The following LRRFIP2 variants were observed in gnomAD, a reference collection of about 807,000 sequenced individuals.
The protein encoded by LRRFIP2 is LRR binding FLII interacting protein 2, also known as leucine-rich repeat flightless-interacting protein 2.
Under a neutral mutation model 125.9 loss-of-function variants are expected in LRRFIP2, and 109 were observed. That is an observed-to-expected ratio of 0.87 (90% CI 0.74 to 1.01). The LOEUF (loss-of-function observed/expected upper bound fraction) is 1.01, where lower values mean the gene tolerates loss of function less well. Ranked by LOEUF, LRRFIP2 falls within the 50% of genes least tolerant of loss-of-function variation. The pLI, the probability that LRRFIP2 is intolerant of heterozygous loss-of-function variation, is 0.00. For synonymous variants in LRRFIP2, 291 were observed against 293.1 expected (o/e 0.99, Z 0.07); for missense variants, 850 against 862.3 (o/e 0.99, Z 0.18).
At chr3:37,138,282 G>A (rs2095607648) in intron 2 of LRRFIP2, among the ~76,000 whole-genome samples, 1 of 152,208 alleles carries the variant, frequency 6.6e-6, no homozygotes, top group Non-Finnish European at 1.5e-5. Context: ...TAAACTTGTT[G>A]TGGCTCATGG....
intron 21 of LRRFIP2, among the ~76,000 whole-genome samples, chr3:37,072,017 T>C (rs772675029): frequency 3.3e-5 from 5 of 152,216 alleles, no homozygotes; most frequent in Non-Finnish European, 7.3e-5. Context: ...CCCTAGAAAG[T>C]CTTACATTCC....
At chr3:37,061,828 A>G (rs2088840496) in intron 24 of LRRFIP2, among the ~76,000 whole-genome samples, 1 of 152,140 alleles carries the variant, frequency 6.6e-6, no homozygotes, top group Admixed American at 6.5e-5. Flanking sequence ...GTCATATACC[A>G]GATCTCATCA....
At chr3:37,092,790 AC>A (rs1316435673) in intron 17 of LRRFIP2, among the ~76,000 whole-genome samples, 1 of 149,540 alleles carries the variant, frequency 6.7e-6, no homozygotes, top group African/African-American at 2.5e-5. Context: ...TCCTCCCCTA[AC>A]CCCCCAACCC....
At position 37,055,667 on chromosome 3, in the gene LRRFIP2, A is replaced by G. The variant is rs547884069; in HGVS notation, c.1871-502T>C. Among the ~76,000 whole-genome samples, 17 of 152,320 alleles carry G rather than the reference A, an allele frequency of 1.1e-4. No homozygotes were observed. The East Asian group carries it at 2.7e-3, about 24-fold the overall frequency. ...TATATACTACAAGATGCTCTAGCAT[A>G]TATGTTACTACAGTATCCCTTGCAG... On this transcript the variant is annotated intron_variant, in intron 25 of 27. Transcript: ENST00000336686.
chr3:37,098,089 C>A (rs1007451207), intron 15 of LRRFIP2, among the ~76,000 whole-genome samples: 1 of 137,908 alleles, frequency 7.3e-6, no homozygotes, highest in Non-Finnish European at 1.7e-5. Flanking sequence ...TTATTACCCA[C>A]ACTTATGTTT....
In LRRFIP2 at chr3:37,121,626, A is replaced by T; in HGVS notation, c.285+9T>A. 1 of 1,614,210 alleles carries T rather than the reference A, an allele frequency of 6.2e-7. No individual in the cohort carries two copies. Among genetic ancestry groups the T allele is most frequent in the African/African-American group, 1.3e-5 (1 of 75,070 alleles). On this transcript the variant is annotated intron_variant, in intron 5 of 27. Transcript: ENST00000336686. ...AGTATTAGAGGCAAGTGTATAGGTT[A>T]TTACAAACCAGATAAGGACGATGGT... is the stretch of plus-strand genomic sequence containing the variant.
rs147978076 is a variant in LRRFIP2 at position 37,094,939 on chromosome 3, T to C, written c.919-31A>G. On this transcript the variant is annotated intron_variant, in intron 16 of 27. Transcript: ENST00000336686. ...AAGAGAAATATGACCCTTCTAAGTC[T>C]CATTTCTTTAAAAATATGTTTGCTG... is the stretch of plus-strand genomic sequence containing the variant. The C allele has an allele frequency of 7.3e-5, 97 of 1,329,768 alleles. No homozygotes were observed. The African/African-American group carries it at 1.3e-3, about 18-fold the overall frequency. The allele number at this position is 1,329,768 out of a possible 1,614,324, so 82.4% of individuals were successfully genotyped here. A position where few individuals can be genotyped will look rare whatever the true frequency, so the allele number is the denominator to read the frequency against.
At chr3:37,107,601 G>A (rs1055817101) in intron 13 of LRRFIP2, among the ~76,000 whole-genome samples, 1 of 152,052 alleles carries the variant, frequency 6.6e-6, no homozygotes, top group African/African-American at 2.4e-5. Flanking sequence ...AGAAAGATTA[G>A]GTAATTATAA....
Position 37,108,095 on chromosome 3 carries a change from C to T in LRRFIP2, c.692G>A (p.Ser231Asn), listed in dbSNP as rs1252365711. Residue 231 changes from serine to asparagine, a missense_variant, in exon 13 of 28, where the codon AGT becomes AAT. Transcript: ENST00000336686. The stretch of plus-strand genomic sequence containing the variant: ...CACCCCTGGACTGCTTCGGGCTGAA[C>T]TTATTCTTGATGAATAATAACTGCA... ...SECSYYSSRI[S>N]SARSSPGFTN... The T allele has an allele frequency of 6.2e-7, 1 of 1,613,958 alleles. No individual in the cohort carries two copies. The highest frequency in any genetic ancestry group is 1.7e-5 in the Admixed American group (1 of 60,018).
intron 18 of LRRFIP2, among the ~76,000 whole-genome samples, chr3:37,085,388 G>T (rs1475689780): frequency 6.6e-6 from 1 of 151,654 alleles, no homozygotes; most frequent in Non-Finnish European, 1.5e-5. Flanking sequence ...GGGCATGGTG[G>T]TGGGTGCCTG....
At chr3:37,157,367 C>T (rs1181087755) in intron 1 of LRRFIP2, among the ~76,000 whole-genome samples, 1 of 152,032 alleles carries the variant, frequency 6.6e-6, no homozygotes, top group Non-Finnish European at 1.5e-5. Context: ...TGCTTGAACC[C>T]AGGAGGTAGA....
rs555203224 is a variant in LRRFIP2, at chr3:37,059,562, G to A, written c.1750-652C>T. ...CCAGCACTTTGGGAAGCTGAGGCGG[G>A]CGGATCACAAGGTCAAGAGATCGAG... On this transcript the variant is annotated intron_variant, in intron 24 of 27. Coordinates refer to ENST00000336686, the MANE Select transcript of LRRFIP2 (RefSeq NM_006309.4). 5.3e-5 allele frequency among the ~76,000 whole-genome samples: 8 copies of A among 152,232 alleles called. No individual in the cohort carries two copies. In the South Asian group the frequency reaches 8.3e-4, roughly 16 times the overall value.
At chr3:37,130,902 T>A (rs2095411161) in intron 2 of LRRFIP2, among the ~76,000 whole-genome samples, 1 of 152,190 alleles carries the variant, frequency 6.6e-6, no homozygotes, top group Non-Finnish European at 1.5e-5. Flanking sequence ...TGCTAAGATC[T>A]ATGGTAAGAA....
chr3:37,113,299 C>T (rs1266438796), intron 7 of LRRFIP2, among the ~76,000 whole-genome samples: 1 of 152,090 alleles, frequency 6.6e-6, no homozygotes, highest in East Asian at 1.9e-4. Flanking sequence ...TTGAGTCCCT[C>T]TGACTTCTTT....
intron 23 of LRRFIP2, 140 bp downstream of exon 23, chr3:37,065,670 T>C: frequency 9.8e-7 from 1 of 1,024,868 alleles, no homozygotes; most frequent in Non-Finnish European, 1.5e-6. Flanking sequence ...AATGTGCCAA[T>C]GTGCCCAGAT....
At position 37,094,259 on chromosome 3, in the gene LRRFIP2, A is replaced by C. The variant is rs1379872172; in HGVS notation, c.1035+533T>G. Among the ~76,000 whole-genome samples the C allele has an allele frequency of 2.6e-5, 4 of 152,192 alleles. No homozygotes were observed. The East Asian group carries it at 5.8e-4, about 22-fold the overall frequency. ...CAGCAAATAAAATATATATTTTTTA[A>C]AGTTCTCTTTTTCCAAGTAAAGGGG... On this transcript the variant is annotated intron_variant, in intron 17 of 27. Coordinates refer to ENST00000336686, the MANE Select transcript of LRRFIP2 (RefSeq NM_006309.4).
chr3:37,101,015 A>G (rs1301994174), intron 15 of LRRFIP2, among the ~76,000 whole-genome samples: 1 of 152,188 alleles, frequency 6.6e-6, no homozygotes, highest in Non-Finnish European at 1.5e-5. Context: ...GTGAAATGCT[A>G]ATTATAAATA....
chr3:37,108,321 G>A (rs2094423632), intron 12 of LRRFIP2, among the ~76,000 whole-genome samples, 192 bp from the exon 13 acceptor site: 1 of 152,202 alleles, frequency 6.6e-6, no homozygotes, highest in South Asian at 2.1e-4. Context: ...GAGCGAAGAG[G>A]AAGGGGATGC....
At chr3:37,165,859 GA>G (rs2096476857) in intron 1 of LRRFIP2, among the ~76,000 whole-genome samples, 1 of 142,614 alleles carries the variant, frequency 7.0e-6, no homozygotes, top group Non-Finnish European at 1.5e-5. Flanking sequence ...GAAAGAAAGA[GA>G]AAGAAAGAAA....
Sources: allele counts gnomAD v4.1 joint callset (sites outside exome capture counted in the v4.1 genomes callset), GRCh38; gene constraint gnomAD v4.1.1; transcripts MANE v1.5; gene names NCBI Gene and HGNC (gene_info 2026-07-23, HGNC 2026-07-21).